Variants in LINGO2 observed in about 807,000 individuals in gnomAD.
LINGO2 encodes the protein leucine rich repeat and Ig domain containing 2, also known as leucine-rich repeat and immunoglobulin-like domain-containing nogo receptor-interacting protein 2.
In LINGO2, 14 loss-of-function variants were observed where a neutral mutation model predicts 30.6. The observed-to-expected ratio is 0.46, with a 90% CI of 0.30 to 0.72. The LOEUF (loss-of-function observed/expected upper bound fraction) is 0.72. Ranked by LOEUF, LINGO2 falls within the 30% of genes least tolerant of loss-of-function variation. LINGO2 has a pLI of 0.07. For missense variants in LINGO2, 729 were observed against 751.7 expected (o/e 0.97, Z 0.35); for synonymous variants, 317 against 288.5 (o/e 1.10, Z -1.00).
At chr9:28,540,008 A>C (rs1022094384) in intron 1 of LINGO2, among the ~76,000 whole-genome samples, 1 of 152,072 alleles carries the variant, frequency 6.6e-6, no homozygotes, top group Non-Finnish European at 1.5e-5. Flanking sequence ...GATGCTGCAA[A>C]ATTTGGAAAG....
intron 1 of LINGO2, among the ~76,000 whole-genome samples, chr9:28,569,018 A>G (rs1471012052): frequency 1.4e-5 from 2 of 147,188 alleles, no homozygotes; most frequent in Non-Finnish European, 2.9e-5. Context: ...ATATAAAGGC[A>G]ACAAGTGTAT....
rs1564028581 is a variant in LINGO2 at position 28,189,261 on chromosome 9, AAGGGAGGGAGGAAGGGAGGG to A, written c.-87+105927_-87+105946del. ...AAAGGAAGGGAGGAAGGGAGGAAGG[AAGGGAGGGAGGAAGGGAGGG>A]AGGGAGGGAGGAAGGAAGGAAGGGA... is the stretch of plus-strand genomic sequence containing the variant. On this transcript the variant is annotated intron_variant, in intron 4 of 5. Transcript: ENST00000379992. Among the ~76,000 whole-genome samples, 644 of 85,718 alleles carry A rather than the reference AAGGGAGGGAGGAAGGGAGGG, an allele frequency of 7.5e-3. 18 individuals are homozygous for A. Among genetic ancestry groups the A allele is most frequent in the African/African-American group, 0.025 (520 of 20,654 alleles). 56.2% of individuals were successfully genotyped at this position (85,718 alleles called of 152,430 possible).
the LINGO2 span, among the ~76,000 whole-genome samples, chr9:29,157,602 A>T: frequency 6.6e-6 from 1 of 152,190 alleles, no homozygotes; most frequent in Admixed American, 6.5e-5. Flanking sequence ...CAGACTAAAA[A>T]AACTCTATTT....
intron 5 of LINGO2, among the ~76,000 whole-genome samples, chr9:27,993,898 T>A (rs1469434752): frequency 6.6e-6 from 1 of 151,984 alleles, no homozygotes; most frequent in Non-Finnish European, 1.5e-5. Context: ...AGACCATATG[T>A]TAGGCTGAAA....
the LINGO2 span, among the ~76,000 whole-genome samples, chr9:28,888,506 A>G: frequency 2.0e-5 from 3 of 152,116 alleles, no homozygotes; most frequent in East Asian, 5.8e-4. Context: ...AAAAAAGTTT[A>G]AGGGAATACA....
the LINGO2 span, among the ~76,000 whole-genome samples, chr9:28,947,802 A>T: frequency 6.6e-6 from 1 of 151,886 alleles, no homozygotes; most frequent in Non-Finnish European, 1.5e-5. Flanking sequence ...CATATTAAGA[A>T]TCACTTTCCT....
the LINGO2 span, among the ~76,000 whole-genome samples, chr9:28,834,239 A>C: frequency 6.6e-6 from 1 of 152,164 alleles, no homozygotes; most frequent in Non-Finnish European, 1.5e-5. Flanking sequence ...GCCACTCTCA[A>C]CAAAGAGAAA....
chr9:28,388,071 A>C (rs1418704721), intron 2 of LINGO2, among the ~76,000 whole-genome samples: 1 of 152,162 alleles, frequency 6.6e-6, no homozygotes, highest in Non-Finnish European at 1.5e-5. Context: ...CAAAGGTATA[A>C]AATAAACATA....
chr9:28,253,228 A>T lies in LINGO2; in HGVS notation c.-87+41980T>A, dbSNP rs755518579. On this transcript the variant is annotated intron_variant, in intron 4 of 5. Coordinates refer to ENST00000379992, the Ensembl canonical transcript of LINGO2. ...ATTTCTTTTATTAGAGTACAGTTTCATTAAATCTTAAAAGTACACTGTAGG... is the reference window on the plus strand; with the variant it reads ...ATTTCTTTTATTAGAGTACAGTTTCTTTAAATCTTAAAAGTACACTGTAGG... Among the ~76,000 whole-genome samples the T allele has an allele frequency of 7.2e-5, 11 of 152,138 alleles. 1 individual carries two copies. Among genetic ancestry groups the T allele is most frequent in the Admixed American group, 7.2e-4 (11 of 15,252 alleles).
intron 5 of LINGO2, among the ~76,000 whole-genome samples, chr9:27,972,315 T>A (rs1452698240): frequency 6.6e-6 from 1 of 152,166 alleles, no homozygotes; most frequent in African/African-American, 2.4e-5. Context: ...GAAAAATAGA[T>A]GTTAATTAGA....
intron 3 of LINGO2, among the ~76,000 whole-genome samples, chr9:28,307,654 A>G (rs1824425146): frequency 6.6e-6 from 1 of 152,190 alleles, no homozygotes; most frequent in East Asian, 1.9e-4. Context: ...CTGTTTGCAG[A>G]TGACATGATT....
chr9:28,494,567 A>G (rs1587751473), intron 1 of LINGO2, among the ~76,000 whole-genome samples: 2 of 152,178 alleles, frequency 1.3e-5, no homozygotes, highest in Admixed American at 6.5e-5. Context: ...TTATGGCTGC[A>G]TAATATTCCA....
At chr9:28,051,867 TG>T (rs1563944853) in intron 4 of LINGO2, among the ~76,000 whole-genome samples, 1 of 152,096 alleles carries the variant, frequency 6.6e-6, no homozygotes. Flanking sequence ...TCCAAGAATA[TG>T]CAAGACAGCC....
the LINGO2 span, among the ~76,000 whole-genome samples, chr9:28,747,949 G>C: frequency 3.3e-5 from 5 of 152,030 alleles, no homozygotes; most frequent in African/African-American, 7.3e-5. Context: ...GGGAGACAAC[G>C]AGTCAAAAAT....
At chr9:29,081,230 G>A in the LINGO2 span, among the ~76,000 whole-genome samples, 1 of 152,068 alleles carries the variant, frequency 6.6e-6, no homozygotes, top group Non-Finnish European at 1.5e-5. Context: ...TATCCACCAT[G>A]ATCAAGTGGG....
intron 4 of LINGO2, among the ~76,000 whole-genome samples, chr9:28,057,280 G>GT (rs546040398): frequency 0.093 from 13,537 of 145,104 alleles, 699 homozygotes; most frequent in Middle Eastern, 0.18. Flanking sequence ...CAAAAGTAAA[G>GT]TTTTTTTTTT....
chr9:28,872,452 T>C, the LINGO2 span, among the ~76,000 whole-genome samples: 1 of 152,120 alleles, frequency 6.6e-6, no homozygotes, highest in African/African-American at 2.4e-5. Flanking sequence ...TTAAATGAAG[T>C]TATCTTTTGA....
At position 28,055,746 on chromosome 9, in the gene LINGO2, T is replaced by C. The variant is rs569656937; in HGVS notation, c.-86-43341A>G. ...AAAGATATGTACTCAAAGACAAGTC[T>C]CTCTTGGAAGTTTAAGTAGTTCAAA... On this transcript the variant is annotated intron_variant, in intron 4 of 5. Coordinates refer to ENST00000379992, the Ensembl canonical transcript of LINGO2. Among the ~76,000 whole-genome samples, 12 of 152,304 alleles carry C rather than the reference T, an allele frequency of 7.9e-5. No individual in the cohort carries two copies. The South Asian group carries it at 2.5e-3, about 32-fold the overall frequency.
the LINGO2 span, among the ~76,000 whole-genome samples, chr9:28,790,325 C>CTTTCTTTTTTTTTTTT: frequency 9.4e-6 from 1 of 106,300 alleles, no homozygotes; most frequent in African/African-American, 3.9e-5. Context: ...TCTTTTCTTT[C>CTTTCTTTTTTTTTTTT]TTTTTTTTTT....
Sources: gnomAD v4.1 joint callset for allele counts (sites outside exome capture counted in the v4.1 genomes callset) on GRCh38, gnomAD v4.1.1 for gene constraint, MANE v1.5 for transcripts, NCBI Gene and HGNC (gene_info 2026-07-23, HGNC 2026-07-21) for gene names.